PDS5B: variants seen among roughly 807,000 people sequenced by gnomAD.
The protein encoded by PDS5B is PDS5 cohesin associated factor B.
A neutral mutation model predicts 184.1 loss-of-function variants in PDS5B; 51 were observed. That is an observed-to-expected ratio of 0.28 (90% CI 0.22 to 0.35). The LOEUF (loss-of-function observed/expected upper bound fraction) is 0.35. Among genes scored for constraint, PDS5B ranks in the 10% least tolerant of loss-of-function variants. PDS5B has a pLI of 1.00. For synonymous variants in PDS5B, 566 were observed against 569.2 expected (o/e 0.99, Z 0.08); for missense variants, 1,180 against 1,723.3 (o/e 0.68, Z 5.58).
At chr13:32,622,728 T>C (rs140478962) in intron 1 of PDS5B, among the ~76,000 whole-genome samples, 25 of 152,346 alleles carry the variant, frequency 1.6e-4, no homozygotes, top group Middle Eastern at 3.4e-3. Flanking sequence ...AATTAATTTT[T>C]TTCTGATAAT....
At chr13:32,762,303 C>T (rs1954433248) in intron 30 of PDS5B, among the ~76,000 whole-genome samples, 1 of 152,116 alleles carries the variant, frequency 6.6e-6, no homozygotes, top group African/African-American at 2.4e-5. Flanking sequence ...AAAGACTGTA[C>T]TGTCTTTTTC....
At chr13:32,766,341 G>C (rs1463487233) in intron 31 of PDS5B, among the ~76,000 whole-genome samples, 1 of 152,184 alleles carries the variant, frequency 6.6e-6, no homozygotes. Context: ...TTTTGGGATA[G>C]TACAGAACAA....
intron 31 of PDS5B, among the ~76,000 whole-genome samples, chr13:32,766,121 A>G (rs1208058686): frequency 6.6e-6 from 1 of 152,158 alleles, no homozygotes; most frequent in Non-Finnish European, 1.5e-5. Context: ...TTTATTATTA[A>G]TGAGAGCTGG....
In PDS5B at chr13:32,623,978, AT is replaced by A. The variant is rs760068608; in HGVS notation, c.-19-24771del. The stretch of plus-strand genomic sequence containing the variant: ...AGGCGTGTGCCACCACGCCCAGCTA[AT>A]TTTTGTATTTTTAGTAGAGATGGGG... On this transcript the variant is annotated intron_variant, in intron 1 of 34. Coordinates refer to ENST00000315596, the MANE Select transcript of PDS5B (RefSeq NM_015032.4). 5.7e-3 allele frequency among the ~76,000 whole-genome samples: 865 copies of A among 151,840 alleles called. 7 individuals carry two copies. The highest frequency in any genetic ancestry group is 0.014 in the Admixed American group (214 of 15,232).
At chr13:32,632,905 C>T (rs2140580124) in intron 1 of PDS5B, among the ~76,000 whole-genome samples, 1 of 152,064 alleles carries the variant, frequency 6.6e-6, no homozygotes, top group East Asian at 1.9e-4. Context: ...AGATCGAGAC[C>T]ATCCTGCCCA....
chr13:32,695,787 T>A (rs975765267), intron 14 of PDS5B, among the ~76,000 whole-genome samples: 9 of 152,072 alleles, frequency 5.9e-5, no homozygotes, highest in Non-Finnish European at 1.3e-4. Context: ...TGGGAGGGTC[T>A]TAGACTTTCC....
intron 18 of PDS5B, among the ~76,000 whole-genome samples, chr13:32,707,614 T>TA (rs1479649615): frequency 2.8e-5 from 4 of 144,536 alleles, no homozygotes; most frequent in Middle Eastern, 7.0e-3. Context: ...TTTTTTTTTT[T>TA]AAGAGTGTCT....
chr13:32,610,374 A>T (rs7989990), intron 1 of PDS5B, among the ~76,000 whole-genome samples: 310 of 152,358 alleles, frequency 2.0e-3, no homozygotes, highest in African/African-American at 7.3e-3. Context: ...ATTAGATAAA[A>T]TACCCTATGT....
chr13:32,645,635 C>G (rs1950199081), intron 1 of PDS5B, among the ~76,000 whole-genome samples: 1 of 151,968 alleles, frequency 6.6e-6, no homozygotes, highest in Non-Finnish European at 1.5e-5. Context: ...CGCTTGTTTT[C>G]TTTTGATTCA....
chr13:32,640,090 G>C (rs2058632445), intron 1 of PDS5B, among the ~76,000 whole-genome samples: 1 of 151,834 alleles, frequency 6.6e-6, no homozygotes, highest in African/African-American at 2.4e-5. Context: ...CTCTTGTTTA[G>C]TTACATCTAT....
At chr13:32,662,458 AAG>A (rs1267637030) in intron 6 of PDS5B, among the ~76,000 whole-genome samples, 2 of 152,142 alleles carry the variant, frequency 1.3e-5, no homozygotes, top group African/African-American at 2.4e-5. Flanking sequence ...AATTAACAGA[AAG>A]AAGCAAATTC....
chr13:32,592,875 A>T, intron 1 of PDS5B, among the ~76,000 whole-genome samples: 1 of 152,180 alleles, frequency 6.6e-6, no homozygotes, highest in East Asian at 1.9e-4. Context: ...CTAGCTAAAC[A>T]AGCAATTACC....
chr13:32,648,762 A>G lies in PDS5B; in HGVS notation c.-11A>G, dbSNP rs764753226. ...TAGTTTTCTTGTTTCAGGGGTAGAA[A>G]TATTTCTGTCATGGCTCATTCAAAG... On this transcript the variant is annotated 5_prime_UTR_variant, in exon 2 of 35. Transcript: ENST00000315596. 95 of 1,258,234 alleles carry G rather than the reference A, an allele frequency of 7.6e-5. No individual in the cohort carries two copies. In the South Asian group the frequency reaches 1.0e-3, roughly 13 times the overall value. 77.9% of individuals were successfully genotyped at this position (1,258,234 alleles called of 1,614,324 possible).
intron 1 of PDS5B, among the ~76,000 whole-genome samples, chr13:32,591,778 G>A (rs936510425): frequency 2.6e-5 from 4 of 152,194 alleles, no homozygotes; most frequent in African/African-American, 4.8e-5. Context: ...TAATCAAGTG[G>A]TTTAATGCTA....
At chr13:32,622,198 G>GTA (rs1220840352) in intron 1 of PDS5B, among the ~76,000 whole-genome samples, 1 of 151,334 alleles carries the variant, frequency 6.6e-6, no homozygotes, top group African/African-American at 2.4e-5. Context: ...TAGCTTATTT[G>GTA]TATTAAACTT....
chr13:32,627,749 T>C (rs1324342904), intron 1 of PDS5B, among the ~76,000 whole-genome samples: 4 of 152,132 alleles, frequency 2.6e-5, no homozygotes, highest in African/African-American at 9.7e-5. Flanking sequence ...AGTAAGATAA[T>C]AGAATTGAGA....
intron 1 of PDS5B, among the ~76,000 whole-genome samples, chr13:32,625,743 C>T (rs2058360741): frequency 6.7e-6 from 1 of 149,302 alleles, no homozygotes; most frequent in Non-Finnish European, 1.5e-5. Context: ...TTTTCCTGAG[C>T]ATATTTATAT....
In PDS5B at chr13:32,770,371, G is replaced by T; in HGVS notation, c.3875G>T (p.Arg1292Leu). Residue 1292 changes from arginine (R) to leucine (L), a missense_variant, in exon 32 of 35, where the codon CGA (arginine) becomes CTA (leucine). Transcript: ENST00000315596. Reference sequence around the variant, plus strand: ...CCGCCAAAAAAGGGTAAAAGAGGCCGACCACCAAAACCTCTTGGTGGAGGT... The same window carrying T: ...CCGCCAAAAAAGGGTAAAAGAGGCCTACCACCAAAACCTCTTGGTGGAGGT... ...NSPPKKGKRG[R>L]PPKPLGGGTP... 1.2e-6 allele frequency: 2 copies of T among 1,613,188 alleles called. No individual in the cohort carries two copies. Among genetic ancestry groups the T allele is most frequent in the South Asian group, 1.1e-5 (1 of 90,882 alleles).
chr13:32,712,213 AG>A (rs1293546690), intron 19 of PDS5B, among the ~76,000 whole-genome samples: 3 of 152,234 alleles, frequency 2.0e-5, no homozygotes, highest in Non-Finnish European at 4.4e-5. Context: ...CAGGGTCAAA[AG>A]GTGGACATTT....
Sources: allele counts gnomAD v4.1 joint callset (sites outside exome capture counted in the v4.1 genomes callset), GRCh38; gene constraint gnomAD v4.1.1; transcripts MANE v1.5; gene names NCBI Gene and HGNC (gene_info 2026-07-23, HGNC 2026-07-21).